The following UTY variants were observed in gnomAD, a reference collection of about 807,000 sequenced individuals.
UTY encodes the protein histone demethylase UTY.
A neutral mutation model predicts 32.5 loss-of-function variants in UTY; 12 were observed. That is an observed-to-expected ratio of 0.37 (90% confidence interval 0.24 to 0.60). The LOEUF (loss-of-function observed/expected upper bound fraction) is 0.60, where lower values mean the gene tolerates loss of function less well. UTY is among the 20% of genes least tolerant of loss of function. UTY has a pLI of 0.69. For missense variants in UTY, 303 were observed against 299.2 expected (o/e 1.01, Z -0.09); for synonymous variants, 131 against 103.4 (o/e 1.27, Z -1.62).
chrY:13,318,768 T>C (rs762725615), intron 21 of UTY, among the ~76,000 whole-genome samples: 1 of 32,786 alleles, frequency 3.1e-5, no homozygotes, highest in Admixed American at 2.8e-4. Flanking sequence ...CACAGCACTT[T>C]GGGAGGCTGA....
chrY:13,355,304 C>T lies in UTY; in HGVS notation c.1760G>A (p.Arg587Gln), dbSNP rs2062754588. The change falls in exon 17 of 30, where the codon CGA (arginine) becomes CAA (glutamine). Residue 587 changes from arginine to glutamine, a missense_variant. Transcript: ENST00000545955. ...TCTGGTCAGAGCACCATGTGGTTGTCGATTAGAGACAGAGTTTGTAGGCAG... is the reference window on the plus strand; with the variant it reads ...TCTGGTCAGAGCACCATGTGGTTGTTGATTAGAGACAGAGTTTGTAGGCAG... ...SSLPTNSVSN[R>Q]QPHGALTRVS... The T allele has an allele frequency of 2.5e-6, 1 of 395,948 alleles. No homozygotes were observed. The highest frequency in any genetic ancestry group is 3.5e-6 in the Non-Finnish European group (1 of 282,704).
At chrY:13,425,895 G>T in intron 4 of UTY, among the ~76,000 whole-genome samples, 3 of 33,595 alleles carry the variant, frequency 8.9e-5, no homozygotes. Context: ...AACCACCAAA[G>T]AACACTTGCA....
At position 13,355,246 on chromosome Y, in the gene UTY, A is replaced by T; in HGVS notation, c.1818T>A (p.Pro606=). ...TGGACAAAAGTTTTTCAACACAAGC[A>T]GGGCGAACTCCAGGCTGAGAGACGC... ...VSSVSQPGVR[P]ACVEKLLSSG... The change falls in exon 17 of 30, where the codon CCT becomes CCA. Residue 606 remains proline (P), a synonymous_variant. Coordinates refer to ENST00000545955, the MANE Select transcript of UTY (RefSeq NM_001258249.2). 2.5e-6 allele frequency: 1 copy of T among 397,185 alleles called. No homozygotes were observed. Among genetic ancestry groups the T allele is most frequent in the Non-Finnish European group, 3.5e-6 (1 of 282,591 alleles).
At chrY:13,400,682 C>T (rs758804736) in intron 6 of UTY, among the ~76,000 whole-genome samples, 1 of 30,955 alleles carries the variant, frequency 3.2e-5, no homozygotes, top group African/African-American at 1.3e-4. Flanking sequence ...ACCCAACTAA[C>T]GAACCTAAAA....
chrY:13,405,944 C>T, intron 6 of UTY, among the ~76,000 whole-genome samples: 3 of 32,269 alleles, frequency 9.3e-5, no homozygotes, highest in Non-Finnish European at 1.5e-4. Context: ...CAATCGTGTT[C>T]GATGAATTTT....
chrY:13,332,313 G>A, intron 18 of UTY, among the ~76,000 whole-genome samples: 1 of 33,269 alleles, frequency 3.0e-5, no homozygotes, highest in Non-Finnish European at 7.4e-5. Context: ...AAACAAATCC[G>A]GCCAATATCC....
At chrY:13,297,492 A>G (rs2058099203) in intron 27 of UTY, 1 of 235,772 alleles carries the variant, frequency 4.2e-6, no homozygotes, top group Non-Finnish European at 5.9e-6. Context: ...ATTGTAATAA[A>G]CACAAGTGAC....
chrY:13,418,705 T>C (rs970585640), intron 4 of UTY, among the ~76,000 whole-genome samples: 1 of 33,961 alleles, frequency 2.9e-5, no homozygotes, highest in Non-Finnish European at 7.3e-5. Flanking sequence ...CGATTCTCAA[T>C]ATGTATTAAA....
chrY:13,411,151 A>T, intron 5 of UTY, 38 bp from the exon 6 acceptor site: 1 of 340,082 alleles, frequency 2.9e-6, no homozygotes, highest in Non-Finnish European at 4.1e-6. Flanking sequence ...GTGATTTTTA[A>T]TACTTACATA....
chrY:13,359,734 T>C (rs2063323083), intron 12 of UTY, 33 bp downstream of exon 12: 1 of 343,182 alleles, frequency 2.9e-6, no homozygotes, highest in Admixed American at 8.7e-5. Context: ...GGAATATACG[T>C]GTCATTTAAA....
At chrY:13,287,538 G>C in intron 27 of UTY, among the ~76,000 whole-genome samples, 1 of 29,715 alleles carries the variant, frequency 3.4e-5, no homozygotes, top group South Asian at 7.7e-4. Flanking sequence ...CAAGGCTTTT[G>C]GAAAAAAAAA....
intron 10 of UTY, among the ~76,000 whole-genome samples, chrY:13,364,783 T>C: frequency 3.0e-5 from 1 of 33,853 alleles, no homozygotes; most frequent in Admixed American, 2.7e-4. Flanking sequence ...TGTACAAATA[T>C]GTATTCTATC....
At chrY:13,241,157 A>G in intron 28 of UTY, among the ~76,000 whole-genome samples, 1 of 32,044 alleles carries the variant, frequency 3.1e-5, no homozygotes, top group Non-Finnish European at 7.5e-5. Context: ...ACAAAAAACC[A>G]TAAAACCACA....
At chrY:13,390,674 G>C in intron 8 of UTY, among the ~76,000 whole-genome samples, 6 of 32,820 alleles carry the variant, frequency 1.8e-4, no homozygotes, top group Non-Finnish European at 3.0e-4. Flanking sequence ...ATTTTTGCTG[G>C]TATTTTGTTA....
At chrY:13,275,124 G>A (rs2056598218) in intron 27 of UTY, among the ~76,000 whole-genome samples, 1 of 33,569 alleles carries the variant, frequency 3.0e-5, no homozygotes, top group Admixed American at 2.7e-4. Flanking sequence ...CTATCAGCAT[G>A]CAGCGTACTA....
chrY:13,400,385 C>T (rs2068817898), intron 6 of UTY, among the ~76,000 whole-genome samples: 1 of 33,066 alleles, frequency 3.0e-5, no homozygotes, highest in Non-Finnish European at 7.5e-5. Context: ...CTCAACAAAT[C>T]AGATTTTTGT....
At chrY:13,410,146 ATTTCTGTGTTAGTG>A (rs2070705599) in intron 6 of UTY, among the ~76,000 whole-genome samples, 2 of 33,604 alleles carry the variant, frequency 6.0e-5, no homozygotes, top group African/African-American at 2.3e-4. Context: ...TTCCTTTAAT[ATTTCTGTGTTAGTG>A]AGTTCAAAGT....
At chrY:13,368,144 C>T in intron 9 of UTY, among the ~76,000 whole-genome samples, 2 of 25,509 alleles carry the variant, frequency 7.8e-5, no homozygotes, top group Non-Finnish European at 1.8e-4. Flanking sequence ...CGGCTGACTG[C>T]AAGCTCCGCC....
At chrY:13,399,062 G>C (rs2068632872) in intron 6 of UTY, among the ~76,000 whole-genome samples, 1 of 32,226 alleles carries the variant, frequency 3.1e-5, no homozygotes. Context: ...AAGAAAATGT[G>C]GTTTAACTAC....
Sources: allele counts gnomAD v4.1 joint callset (sites outside exome capture counted in the v4.1 genomes callset), GRCh38; gene constraint gnomAD v4.1.1; transcripts MANE v1.5; gene names NCBI Gene and HGNC (gene_info 2026-07-23, HGNC 2026-07-21).